The following EFCAB5 variants were observed in gnomAD, a reference collection of about 807,000 sequenced individuals.
The protein encoded by EFCAB5 is EF-hand calcium-binding domain-containing protein 5.
Under a neutral mutation model 167.9 loss-of-function variants are expected in EFCAB5, and 131 were observed. That is an observed-to-expected ratio of 0.78 (90% CI 0.68 to 0.90). EFCAB5 has a LOEUF of 0.90. Ranked by LOEUF, EFCAB5 falls within the 40% of genes least tolerant of loss-of-function variation. The pLI, the probability that EFCAB5 is intolerant of heterozygous loss-of-function variation, is 0.00. For missense variants in EFCAB5, 1,663 were observed against 1,745.2 expected (o/e 0.95, Z 0.84); for synonymous variants, 574 against 602.8 (o/e 0.95, Z 0.70).
At chr17:30,021,327 T>C (rs2069173773) in intron 7 of EFCAB5, among the ~76,000 whole-genome samples, 2 of 148,110 alleles carry the variant, frequency 1.4e-5, no homozygotes. Flanking sequence ...ATATAACATA[T>C]AAATATTTAA....
chr17:29,959,797 G>A (rs1341989557), intron 3 of EFCAB5, among the ~76,000 whole-genome samples: 2 of 152,082 alleles, frequency 1.3e-5, no homozygotes, highest in Admixed American at 1.3e-4. Context: ...CTGGAGTTGG[G>A]GGAGGGGTGA....
In EFCAB5 at chr17:30,053,553, T is replaced by G; in HGVS notation, c.1599T>G (p.Thr533=). ...IEEQQQGKKP[T]AEQELYIESV... ...AACAACAACAAGGCAAAAAGCCAACTGCAGAGCAAGAACTGTACATAGAAT... is the reference window on the plus strand; with the variant it reads ...AACAACAACAAGGCAAAAAGCCAACGGCAGAGCAAGAACTGTACATAGAAT... The change falls in exon 10 of 23, where the codon ACT becomes ACG. Residue 533 remains threonine (T), a synonymous_variant. Coordinates refer to ENST00000394835, the MANE Select transcript of EFCAB5 (RefSeq NM_198529.4). 2 of 1,613,810 alleles carry G rather than the reference T, an allele frequency of 1.2e-6. No individual in the cohort carries two copies. The highest frequency in any genetic ancestry group is 1.7e-6 in the Non-Finnish European group (2 of 1,179,846).
intron 7 of EFCAB5, among the ~76,000 whole-genome samples, chr17:30,001,861 C>T (rs1232543303): frequency 6.6e-6 from 1 of 152,074 alleles, no homozygotes; most frequent in Non-Finnish European, 1.5e-5. Flanking sequence ...CTTGTGTAAT[C>T]GTCACACAAC....
chr17:30,076,803 AC>A (rs1004179165), intron 14 of EFCAB5, among the ~76,000 whole-genome samples: 1 of 152,236 alleles, frequency 6.6e-6, no homozygotes, highest in Admixed American at 6.5e-5. Context: ...TAACCGAAAC[AC>A]CCACTGACTG....
chr17:30,070,373 C>T (rs956045717), intron 14 of EFCAB5, among the ~76,000 whole-genome samples: 2 of 151,958 alleles, frequency 1.3e-5, no homozygotes, highest in Non-Finnish European at 2.9e-5. Flanking sequence ...TCACAAAATG[C>T]CATGGATAGC....
intron 22 of EFCAB5, among the ~76,000 whole-genome samples, chr17:30,097,050 ATATATATATATTT>A (rs2071310463): frequency 1.4e-5 from 1 of 73,896 alleles, no homozygotes; most frequent in African/African-American, 9.2e-5. Context: ...ATACATATAC[ATATATATATATTT>A]TTTTTTTTTT....
intron 22 of EFCAB5, among the ~76,000 whole-genome samples, chr17:30,096,697 T>TTG (rs2071298763): frequency 8.9e-6 from 1 of 112,650 alleles, no homozygotes; most frequent in African/African-American, 3.0e-5. Context: ...TTTTTTTTTT[T>TTG]GAGATGGAGT....
chr17:30,086,448 A>G (rs1413136220), intron 18 of EFCAB5, among the ~76,000 whole-genome samples: 1 of 152,100 alleles, frequency 6.6e-6, no homozygotes, highest in African/African-American at 2.4e-5. Flanking sequence ...CCCAATAGCG[A>G]AGTGAAGAAA....
chr17:30,078,111 G>A, intron 14 of EFCAB5, 104 bp from the exon 15 acceptor site: 1 of 1,263,566 alleles, frequency 7.9e-7, no homozygotes, highest in Non-Finnish European at 1.1e-6. Flanking sequence ...TTCCAGGAGA[G>A]CAGTTGCCCA....
At chr17:29,930,821 A>G (rs2067182242) in intron 1 of EFCAB5, among the ~76,000 whole-genome samples, 1 of 152,156 alleles carries the variant, frequency 6.6e-6, no homozygotes, top group Non-Finnish European at 1.5e-5. Context: ...CTAAAGACTT[A>G]TTCATTATTC....
intron 14 of EFCAB5, among the ~76,000 whole-genome samples, chr17:30,066,948 A>C (rs1597754716): frequency 6.6e-6 from 1 of 152,228 alleles, no homozygotes; most frequent in African/African-American, 2.4e-5. Context: ...CAGCCTACCA[A>C]GATTGAAGCA....
rs9897794 is a variant in EFCAB5 at position 29,969,309 on chromosome 17, T to G, written c.709T>G (p.Leu237Val). 795,847 of 1,610,494 alleles carry G rather than the reference T, an allele frequency of 0.49. 199,082 individuals are homozygous for G. The highest frequency in any genetic ancestry group is 0.68 in the East Asian group (30,273 of 44,826). The change falls in exon 4 of 23, where the codon TTG (leucine) becomes GTG (valine). Residue 237 changes from leucine to valine, a missense_variant. By Grantham distance (32) the Leu-to-Val change is conservative. Transcript: ENST00000394835. The stretch of plus-strand genomic sequence containing the variant: ...CCCAGGAATGTCTGGTTACCAGAGG[T>G]TGATGAAAGAAGTCACAGAAGACCT... ...KDPGMSGYQRLMKEVTEDLKI... is the reference protein window; with the variant it reads ...KDPGMSGYQRVMKEVTEDLKI...
chr17:29,938,425 G>A (rs1181277024), upstream of EFCAB5, among the ~76,000 whole-genome samples: 1 of 152,164 alleles, frequency 6.6e-6, no homozygotes, highest in Admixed American at 6.5e-5. Context: ...GTTGCTGAAG[G>A]CTAGCATGGC....
rs150444839 is a variant in EFCAB5, at chr17:30,023,880, T to C, written c.1045-10350T>C. On this transcript the variant is annotated intron_variant, in intron 7 of 22. Coordinates refer to ENST00000394835, the MANE Select transcript of EFCAB5 (RefSeq NM_198529.4). ...TGGGATGCAAGGCTGGTTCAATATA[T>C]GCAAATCAATAAATGTAATCCAGCA... Among the ~76,000 whole-genome samples the C allele has an allele frequency of 6.3e-3, 965 of 152,186 alleles. 5 individuals carry two copies. The highest frequency in any genetic ancestry group is 0.022 in the African/African-American group (926 of 41,496).
intron 22 of EFCAB5, among the ~76,000 whole-genome samples, chr17:30,100,989 G>T (rs73274859): frequency 6.6e-6 from 1 of 152,348 alleles, no homozygotes; most frequent in African/African-American, 2.4e-5. Flanking sequence ...AGCAGGGTCA[G>T]AGAACGGGAG....
At chr17:30,032,747 C>T (rs1231234252) in intron 7 of EFCAB5, among the ~76,000 whole-genome samples, 1 of 152,200 alleles carries the variant, frequency 6.6e-6, no homozygotes, top group Admixed American at 6.5e-5. Flanking sequence ...TTTATGACAG[C>T]TCCTATGTCA....
intron 7 of EFCAB5, among the ~76,000 whole-genome samples, chr17:30,032,449 A>G (rs1447742283): frequency 6.6e-6 from 1 of 152,202 alleles, no homozygotes; most frequent in Non-Finnish European, 1.5e-5. Flanking sequence ...AGGCACTTGA[A>G]AAATAGATAC....
At chr17:30,072,971 G>T (rs1174994707) in intron 14 of EFCAB5, 2 of 483,122 alleles carry the variant, frequency 4.1e-6, no homozygotes, top group Non-Finnish European at 7.4e-6. Context: ...TATTTGTTTT[G>T]ATACTCATAT....
At chr17:29,960,259 T>C (rs1216944139) in intron 3 of EFCAB5, among the ~76,000 whole-genome samples, 1 of 152,164 alleles carries the variant, frequency 6.6e-6, no homozygotes, top group Non-Finnish European at 1.5e-5. Context: ...TCTCAGTGCC[T>C]CTTTCCTTGA....
Sources: gnomAD v4.1 joint callset for allele counts (sites outside exome capture counted in the v4.1 genomes callset) on GRCh38, gnomAD v4.1.1 for gene constraint, MANE v1.5 for transcripts, NCBI Gene and HGNC (gene_info 2026-07-23, HGNC 2026-07-21) for gene names.